The following CFAP65 variants were observed in gnomAD, a reference collection of about 807,000 sequenced individuals.
CFAP65 encodes the protein cilia- and flagella-associated protein 65.
A neutral mutation model predicts 208.0 loss-of-function variants in CFAP65; 155 were observed. The observed-to-expected ratio is 0.75, with a 90% CI of 0.65 to 0.85. The LOEUF is 0.85. Ranked by LOEUF, CFAP65 falls within the 40% of genes least tolerant of loss-of-function variation. The pLI is 0.00. For missense variants in CFAP65, 2,294 were observed against 2,451.3 expected (o/e 0.94, Z 1.36); for synonymous variants, 970 against 986.3 (o/e 0.98, Z 0.31).
At chr2:219,015,865 A>G (rs1946844380) in intron 21 of CFAP65, 1 of 152,266 alleles carries the variant, frequency 6.6e-6, no homozygotes, top group South Asian at 2.1e-4. Flanking sequence ...CAGCTATTTA[A>G]AAGAATGCGT....
chr2:219,015,756 TGTAGTG>T (rs1946837162), intron 21 of CFAP65: 1 of 152,186 alleles, frequency 6.6e-6, no homozygotes, highest in Admixed American at 6.5e-5. Flanking sequence ...CCACTTTCTT[TGTAGTG>T]GTCATGAAAA....
At position 219,006,479 on chromosome 2, in the gene CFAP65, C is replaced by A; in HGVS notation, c.4705G>T (p.Ala1569Ser). The A allele has an allele frequency of 2.5e-6, 4 of 1,613,710 alleles. No individual in the cohort carries two copies. Among genetic ancestry groups the A allele is most frequent in the Non-Finnish European group, 3.4e-6 (4 of 1,180,002 alleles). Residue 1569 changes from alanine (A) to serine (S), a missense_variant, in exon 30 of 35, where the codon GCG becomes TCG. Physicochemically the swap from Ala to Ser is moderately conservative, Grantham distance 99 (BLOSUM62 1). Transcript: ENST00000341552. ...CGCCGCCTCACCTTGTACTTCCTCG[C>A]AGGTTCACAGGCTGTGCAGCATGTT... ...KRTCCTACEP[A>S]RKYKTLPPIK...
At chr2:219,040,325 T>TCC (rs1948593368) in intron 2 of CFAP65, among the ~76,000 whole-genome samples, 194 bp downstream of exon 2, 1 of 152,184 alleles carries the variant, frequency 6.6e-6, no homozygotes, top group Admixed American at 6.6e-5. Flanking sequence ...GACACTCTCT[T>TCC]ATCCCTCCCC....
At chr2:219,009,566 C>A in intron 27 of CFAP65, 106 bp from the exon 28 acceptor site, 1 of 736,898 alleles carries the variant, frequency 1.4e-6, no homozygotes, top group South Asian at 1.5e-5. Context: ...TGAGATGAGA[C>A]AAGATGGGAT....
intron 18 of CFAP65, 38 bp downstream of exon 18, chr2:219,021,742 A>C (rs749169464): frequency 6.2e-7 from 1 of 1,607,832 alleles, no homozygotes. Flanking sequence ...ACCTCCTCCC[A>C]CCTCCCCTGG....
intron 22 of CFAP65, 102 bp downstream of exon 22, chr2:219,013,766 C>T: frequency 8.0e-7 from 1 of 1,247,164 alleles, no homozygotes; most frequent in Middle Eastern, 2.1e-4. Flanking sequence ...GTGGTCCTCC[C>T]AGGGAATGGC....
chr2:219,021,575 C>T (rs916269642), intron 18 of CFAP65, among the ~76,000 whole-genome samples: 1 of 152,184 alleles, frequency 6.6e-6, no homozygotes, highest in Non-Finnish European at 1.5e-5. Flanking sequence ...CGCTATGTTG[C>T]CCAGGCTAGA....
intron 21 of CFAP65, among the ~76,000 whole-genome samples, chr2:219,016,920 C>T (rs1946926460): frequency 6.6e-6 from 1 of 152,248 alleles, no homozygotes; most frequent in East Asian, 1.9e-4. Context: ...CCCGCTGCTC[C>T]AGCCACGCGG....
chr2:219,040,012 T>TTTTATTTA lies in CFAP65; in HGVS notation c.-3+499_-3+506dup, dbSNP rs3082570. On this transcript the variant is annotated intron_variant, in intron 2 of 34. Coordinates refer to ENST00000341552, the MANE Select transcript of CFAP65 (RefSeq NM_194302.4). ...CAGTGTTGTAAAGTCCTTAGAGGGA[T>TTTTATTTA]TTTATTTATTTATTTATTTATTTAT... 8.5e-3 allele frequency among the ~76,000 whole-genome samples: 1,273 copies of TTTTATTTA among 149,076 alleles called. 6 individuals carry two copies. Among genetic ancestry groups the TTTTATTTA allele is most frequent in the Middle Eastern group, 0.011 (3 of 284 alleles).
intron 24 of CFAP65, among the ~76,000 whole-genome samples, chr2:219,011,852 T>A (rs536988347): frequency 1.5e-4 from 23 of 152,362 alleles, no homozygotes; most frequent in African/African-American, 4.1e-4. Flanking sequence ...CCAGACCTGG[T>A]ACTATGGGTT....
rs374426026 is a variant in CFAP65, at chr2:219,037,041, G to A, written c.357+1334C>T. Reference sequence around the variant, plus strand: ...AGGTAATTTACTATAATATCAGTTGGTGCATCAGTCAGTGTCTAGGCAGGA... The same window carrying A: ...AGGTAATTTACTATAATATCAGTTGATGCATCAGTCAGTGTCTAGGCAGGA... On this transcript the variant is annotated intron_variant, in intron 4 of 34. Coordinates refer to ENST00000341552, the MANE Select transcript of CFAP65 (RefSeq NM_194302.4). Among the ~76,000 whole-genome samples the A allele has an allele frequency of 3.6e-4, 55 of 152,292 alleles. 1 individual carries two copies. The South Asian group carries it at 6.8e-3, about 19-fold the overall frequency.
chr2:219,041,514 G>C lies in CFAP65; in HGVS notation c.-75C>G. The stretch of plus-strand genomic sequence containing the variant: ...TCGCCTCCATATTGCCGTCTCCATA[G>C]ATACAGGACGCGCAGGAAACGGCGT... On this transcript the variant is annotated 5_prime_UTR_variant, in exon 1 of 35. In the 5' UTR this introduces an upstream ATG that the reference lacks. Transcript: ENST00000341552. 1 of 1,550,600 alleles carries C rather than the reference G, an allele frequency of 6.4e-7. No homozygotes were observed. Among genetic ancestry groups the C allele is most frequent in the East Asian group, 2.4e-5 (1 of 40,930 alleles).
In CFAP65 at chr2:219,010,057, G is replaced by A; in HGVS notation, c.4337C>T (p.Ser1446Phe). The A allele has an allele frequency of 6.2e-7, 1 of 1,606,164 alleles. No homozygotes were observed. The highest frequency in any genetic ancestry group is 8.5e-7 in the Non-Finnish European group (1 of 1,176,440). The change falls in exon 27 of 35, where the codon TCC becomes TTC. Residue 1446 changes from serine to phenylalanine, a missense_variant. Transcript: ENST00000341552. ...GCTCTGCACAGGTATGTTTCCCAGGGAAATATGAGACTGGGACAGGAAGAC... is the reference window on the plus strand; with the variant it reads ...GCTCTGCACAGGTATGTTTCCCAGGAAAATATGAGACTGGGACAGGAAGAC... Reference protein sequence around the residue: ...QNVFLSQSHISLGNIPVQSKC... With the variant: ...QNVFLSQSHIFLGNIPVQSKC...
At position 219,006,174 on chromosome 2, in the gene CFAP65, C is replaced by T. The variant is rs778332734; in HGVS notation, c.4769G>A (p.Trp1590Ter). Residue 1590 changes from tryptophan to a stop codon, truncating the protein, a stop_gained, in exon 31 of 35, where the codon TGG becomes TAG. Transcript: ENST00000341552. LOFTEE classifies it high-confidence loss of function. Reference protein sequence around the residue: ...NQQSVSRPASWKLQTPKEEVS... With the variant: ...NQQSVSRPAS Reference sequence around the variant, plus strand: ...CTCCTCCTTTGGGGTCTGCAGTTTCCAGCTGGCAGGCCGGCTGACAGACTG... The same window carrying T: ...CTCCTCCTTTGGGGTCTGCAGTTTCTAGCTGGCAGGCCGGCTGACAGACTG... 11 of 1,611,780 alleles carry T rather than the reference C, an allele frequency of 6.8e-6. No individual in the cohort carries two copies. Among genetic ancestry groups the T allele is most frequent in the Non-Finnish European group, 8.5e-6 (10 of 1,178,372 alleles).
intron 21 of CFAP65, chr2:219,015,021 AGC>A (rs1946766209): frequency 1.3e-5 from 2 of 152,706 alleles, no homozygotes; most frequent in African/African-American, 2.4e-5. Context: ...CCTGAGAGAA[AGC>A]GCACAAAAGC....
intron 29 of CFAP65, 100 bp downstream of exon 29, chr2:219,008,947 G>A (rs999188893): frequency 5.7e-6 from 5 of 872,866 alleles, no homozygotes; most frequent in Non-Finnish European, 9.4e-6. Flanking sequence ...CAGGCTGGCT[G>A]GTTTGGCCTG....
In CFAP65 at chr2:219,010,619, TC is replaced by T; in HGVS notation, c.4234del (p.Asp1412ThrfsTer69). 1.2e-6 allele frequency: 2 copies of T among 1,611,884 alleles called. No individual in the cohort carries two copies. Among genetic ancestry groups the T allele is most frequent in the Non-Finnish European group, 1.7e-6 (2 of 1,179,530 alleles). On this transcript the variant is annotated frameshift_variant, in exon 26 of 35. Transcript: ENST00000341552. LOFTEE classifies it high-confidence loss of function. ...GGAGATGTTGTGGAATGGGGCTGTG[TC>T]CCCCATCATATGGGGGTTGTAGCCC... ...GVGYNPHMMG[D>X]TAPFHNISSW...
chr2:219,040,349 C>G (rs187185913), intron 2 of CFAP65, among the ~76,000 whole-genome samples, 170 bp downstream of exon 2: 14 of 152,232 alleles, frequency 9.2e-5, no homozygotes, highest in African/African-American at 3.1e-4. Context: ...CACCCACCAA[C>G]ACCCTTCCAA....
In CFAP65 at chr2:219,013,389, C is replaced by G. The variant is rs765645683; in HGVS notation, c.3847-20G>C. The stretch of plus-strand genomic sequence containing the variant: ...ATTTAGCTGGAAATAAAAGTTCCCC[C>G]GGAGGAACTGACACAGCCAGTGGAG... On this transcript the variant is annotated intron_variant, in intron 23 of 34. Coordinates refer to ENST00000341552, the MANE Select transcript of CFAP65 (RefSeq NM_194302.4). 3 of 1,589,152 alleles carry G rather than the reference C, an allele frequency of 1.9e-6. No homozygotes were observed. Among genetic ancestry groups the G allele is most frequent in the East Asian group, 2.2e-5 (1 of 44,480 alleles).
Sources: allele counts gnomAD v4.1 joint callset (sites outside exome capture counted in the v4.1 genomes callset), GRCh38; gene constraint gnomAD v4.1.1; transcripts MANE v1.5; gene names NCBI Gene and HGNC (gene_info 2026-07-23, HGNC 2026-07-21).